Variants in RBFOX3 observed in about 807,000 individuals in gnomAD.
The protein encoded by RBFOX3 is RNA binding protein fox-1 homolog 3.
Under a neutral mutation model 48.7 loss-of-function variants are expected in RBFOX3, and 17 were observed. The observed-to-expected ratio is 0.35, with a 90% confidence interval of 0.24 to 0.52. RBFOX3 has a LOEUF of 0.52. Among genes scored for constraint, RBFOX3 ranks in the 20% least tolerant of loss-of-function variants. The pLI, the probability that RBFOX3 is intolerant of heterozygous loss-of-function variation, is 0.94. For missense variants in RBFOX3, 382 were observed against 497.5 expected (o/e 0.77, Z 2.21); for synonymous variants, 212 against 209.5 (o/e 1.01, Z -0.10).
At chr17:79,381,997 C>T (rs1053682765) in intron 2 of RBFOX3, among the ~76,000 whole-genome samples, 4 of 152,204 alleles carry the variant, frequency 2.6e-5, no homozygotes, top group South Asian at 2.1e-4. Context: ...CCATGCACTC[C>T]GATACCCTTC....
chr17:79,605,025 C>G (rs1301678709), intron 1 of RBFOX3, among the ~76,000 whole-genome samples: 1 of 152,148 alleles, frequency 6.6e-6, no homozygotes, highest in Admixed American at 6.5e-5. Flanking sequence ...CACCTGGTGT[C>G]ATAGACAAGG....
intron 4 of RBFOX3, among the ~76,000 whole-genome samples, chr17:79,173,205 CAAATAAAT>C (rs797010162): frequency 3.3e-5 from 5 of 149,662 alleles, no homozygotes; most frequent in Admixed American, 6.6e-5. Context: ...ACGAGACTGT[CAAATAAAT>C]AAATAAATAC....
chr17:79,559,801 G>A (rs1277383852), intron 1 of RBFOX3, among the ~76,000 whole-genome samples: 5 of 150,562 alleles, frequency 3.3e-5, no homozygotes, highest in African/African-American at 7.3e-5. Context: ...GTGGGTGGAT[G>A]GATGAACAGA....
Position 79,344,170 on chromosome 17 carries a change from A to G in RBFOX3, c.-174-36346T>C, listed in dbSNP as rs544855631. Among the ~76,000 whole-genome samples the G allele has an allele frequency of 8.2e-4, 125 of 152,326 alleles. 1 individual carries two copies. The highest frequency in any genetic ancestry group is 2.0e-3 in the Admixed American group (30 of 15,284). On this transcript the variant is annotated intron_variant, in intron 2 of 14. Transcript: ENST00000693108. ...GATGCTCATACACAGCTAGGGTTCT[A>G]TGTCCCGGGTCCTGAGGCCAACATC...
chr17:79,419,129 C>T (rs894832525), intron 2 of RBFOX3, among the ~76,000 whole-genome samples: 1 of 152,162 alleles, frequency 6.6e-6, no homozygotes, highest in Non-Finnish European at 1.5e-5. Flanking sequence ...TTCCCCACGC[C>T]CCCTCCTCAC....
chr17:79,168,090 G>C (rs2048390531), intron 4 of RBFOX3, among the ~76,000 whole-genome samples: 1 of 152,204 alleles, frequency 6.6e-6, no homozygotes, highest in Non-Finnish European at 1.5e-5. Context: ...TGAAACAGTG[G>C]GGCCGGCTCA....
intron 2 of RBFOX3, among the ~76,000 whole-genome samples, chr17:79,371,051 C>A (rs1472879261): frequency 6.6e-6 from 1 of 152,186 alleles, no homozygotes; most frequent in Non-Finnish European, 1.5e-5. Flanking sequence ...CTTGGGGAGG[C>A]ATGCACGGTG....
intron 2 of RBFOX3, among the ~76,000 whole-genome samples, chr17:79,383,891 G>A (rs1378910719): frequency 2.0e-5 from 3 of 152,166 alleles, no homozygotes; most frequent in Non-Finnish European, 4.4e-5. Flanking sequence ...TTTCAGAGGT[G>A]TAGTGGCCCC....
rs2078065894 is a variant in RBFOX3, at chr17:79,477,478, C to T, written c.-175+4976G>A. On this transcript the variant is annotated intron_variant, in intron 2 of 14. Transcript: ENST00000693108. The surrounding 1 kb of genome is among the most constrained non-coding windows in gnomAD (Gnocchi z 4.8). ...GGCTGAGGCAGGAGAATGGCGTGAA[C>T]CCGGGAGGCGGAGTTTGCAGTGAGC... 1.3e-5 allele frequency among the ~76,000 whole-genome samples: 2 copies of T among 151,862 alleles called. No homozygotes were observed. The highest frequency in any genetic ancestry group is 2.1e-4 in the South Asian group (1 of 4,826).
intron 4 of RBFOX3, among the ~76,000 whole-genome samples, chr17:79,121,982 G>A (rs1042719261): frequency 5.3e-5 from 8 of 152,014 alleles, no homozygotes; most frequent in African/African-American, 1.7e-4. Context: ...GCCCCCAAAG[G>A]GACCTCTGAC....
chr17:79,643,539 A>AT, the RBFOX3 span, among the ~76,000 whole-genome samples: 1 of 152,172 alleles, frequency 6.6e-6, no homozygotes, highest in Non-Finnish European at 1.5e-5. Context: ...GTGCTGGGCC[A>AT]TTTTTTTAAA....
intron 4 of RBFOX3, chr17:79,135,223 C>G (rs182111027): frequency 6.6e-6 from 1 of 152,344 alleles, no homozygotes; most frequent in African/African-American, 2.4e-5. Context: ...CGCCGCAGGC[C>G]GTCCTGGGGC....
upstream of RBFOX3, among the ~76,000 whole-genome samples, chr17:79,612,728 G>A (rs1025303836): frequency 9.8e-4 from 149 of 152,332 alleles, no homozygotes; most frequent in Non-Finnish European, 1.6e-3. Flanking sequence ...TTGAAATGGC[G>A]CATTCCAGCT....
At chr17:79,557,976 G>T (rs2091905579) in intron 1 of RBFOX3, among the ~76,000 whole-genome samples, 1 of 152,192 alleles carries the variant, frequency 6.6e-6, no homozygotes, top group Non-Finnish European at 1.5e-5. Flanking sequence ...AGTAAATTGA[G>T]ATTCAGCTTG....
chr17:79,404,178 G>C (rs1260998067), intron 2 of RBFOX3, among the ~76,000 whole-genome samples: 3 of 152,202 alleles, frequency 2.0e-5, no homozygotes, highest in Non-Finnish European at 4.4e-5. Flanking sequence ...CAGATTTGGG[G>C]GAGCCTGAGG....
intron 1 of RBFOX3, among the ~76,000 whole-genome samples, 189 bp downstream of exon 1, chr17:79,610,637 A>C (rs1262613654): frequency 6.6e-6 from 1 of 151,888 alleles, no homozygotes; most frequent in African/African-American, 2.4e-5. Context: ...GACCCCGCGC[A>C]GGGACCCCTG....
chr17:79,604,909 G>A (rs1204175715), intron 1 of RBFOX3, among the ~76,000 whole-genome samples: 3 of 152,160 alleles, frequency 2.0e-5, no homozygotes, highest in Non-Finnish European at 2.9e-5. Flanking sequence ...CCCAGGAATC[G>A]GCATTTGCTT....
intron 12 of RBFOX3, among the ~76,000 whole-genome samples, 158 bp downstream of exon 12, chr17:79,096,495 C>T (rs1262167882): frequency 6.6e-6 from 1 of 152,122 alleles, no homozygotes; most frequent in Non-Finnish European, 1.5e-5. Flanking sequence ...CTCAGGGATG[C>T]CATACTCTGG....
At chr17:79,274,543 G>C (rs9905207) in intron 3 of RBFOX3, among the ~76,000 whole-genome samples, 34,929 of 152,044 alleles carry the variant, frequency 0.23, 4,177 homozygotes, top group African/African-American at 0.28. Context: ...TCCGACCTCT[G>C]TCCTCCCACC....
Sources: allele counts gnomAD v4.1 joint callset (sites outside exome capture counted in the v4.1 genomes callset), GRCh38; gene constraint gnomAD v4.1.1; non-coding constraint Gnocchi (gnomAD v3.1); transcripts MANE v1.5; gene names NCBI Gene and HGNC (gene_info 2026-07-23, HGNC 2026-07-21).